TTLL1: variants seen among roughly 807,000 people sequenced by gnomAD.
TTLL1 encodes the protein TTL family tubulin polyglutamylase complex subunit L1.
Under a neutral mutation model 47.8 loss-of-function variants are expected in TTLL1, and 33 were observed. The observed-to-expected ratio is 0.69, with a 90% CI of 0.52 to 0.92. TTLL1 has a LOEUF of 0.92. Among genes scored for constraint, TTLL1 ranks in the 40% least tolerant of loss-of-function variants. The probability of loss-of-function intolerance (pLI) is 0.00; values close to 1 mark genes in which losing one functional copy is unlikely to be tolerated. For synonymous variants in TTLL1, 225 were observed against 214.1 expected (o/e 1.05, Z -0.45); for missense variants, 488 against 547.5 (o/e 0.89, Z 1.08).
intron 1 of TTLL1, among the ~76,000 whole-genome samples, chr22:43,088,322 A>ATTTTTTT (rs1929374802): frequency 2.3e-5 from 2 of 87,852 alleles, no homozygotes; most frequent in African/African-American, 9.9e-5. Context: ...AGAAGGGCCC[A>ATTTTTTT]TCTTTTTTTT....
At chr22:43,042,527 TG>T in intron 10 of TTLL1, among the ~76,000 whole-genome samples, 1 of 152,374 alleles carries the variant, frequency 6.6e-6, no homozygotes, top group East Asian at 1.9e-4. Flanking sequence ...AGGTGGCAGA[TG>T]CAAAGTGCCA....
rs771338307 is a variant in TTLL1 at position 43,039,859 on chromosome 22, T to G, written c.1189A>C (p.Arg397=). 4 of 1,613,926 alleles carry G rather than the reference T, an allele frequency of 2.5e-6. No individual in the cohort carries two copies. Among genetic ancestry groups the G allele is most frequent in the Non-Finnish European group, 2.5e-6 (3 of 1,180,010 alleles). ...CCCAGAGACTGACCCTGACGGCTTC[T>G]CAGCTCCCGGTCAGCCCCGTCACCC... The part of the protein sequence containing the change: ...AQGDGADREL[R]SRQGQSLGPR... Residue 397 remains arginine (R), a synonymous_variant, in exon 11 of 11, where the codon AGA becomes CGA. Transcript: ENST00000266254.
chr22:43,077,906 A>C (rs1359704584), intron 2 of TTLL1, among the ~76,000 whole-genome samples: 1 of 152,154 alleles, frequency 6.6e-6, no homozygotes, highest in Admixed American at 6.5e-5. Flanking sequence ...CAAGAGTTTG[A>C]GACCAGCCTG....
intron 5 of TTLL1, among the ~76,000 whole-genome samples, chr22:43,067,555 C>T (rs868054255): frequency 2.0e-5 from 3 of 152,198 alleles, no homozygotes; most frequent in African/African-American, 7.2e-5. Flanking sequence ...TCTTCATGGC[C>T]TGCCTTGGGC....
chr22:43,067,195 A>G (rs1484843976), intron 5 of TTLL1, among the ~76,000 whole-genome samples: 1 of 152,178 alleles, frequency 6.6e-6, no homozygotes, highest in Non-Finnish European at 1.5e-5. Flanking sequence ...CCACGAGGCC[A>G]CTGCCCCACC....
chr22:43,070,483 T>C (rs370798021), intron 3 of TTLL1, among the ~76,000 whole-genome samples: 224 of 152,170 alleles, frequency 1.5e-3, no homozygotes, highest in African/African-American at 4.9e-3. Context: ...TCACAAAACA[T>C]GGCAAGTGGC....
At chr22:43,075,451 C>T in intron 3 of TTLL1, 23 bp downstream of exon 3, 1 of 1,594,326 alleles carries the variant, frequency 6.3e-7, no homozygotes, top group Non-Finnish European at 8.6e-7. Flanking sequence ...GAGAAACAAC[C>T]CAGCCCTGCT....
chr22:43,064,374 G>A (rs762598249), intron 5 of TTLL1, 50 bp from the exon 6 acceptor site: 14 of 1,573,740 alleles, frequency 8.9e-6, no homozygotes, highest in South Asian at 2.3e-5. Flanking sequence ...ATGCAATAAC[G>A]AAGACACAAT....
At chr22:43,043,259 C>T (rs1022766025) in intron 10 of TTLL1, among the ~76,000 whole-genome samples, 1 of 151,926 alleles carries the variant, frequency 6.6e-6, no homozygotes, top group African/African-American at 2.4e-5. Flanking sequence ...GCTTCTTGGC[C>T]GGGAAATGGC....
chr22:43,057,721 A>T (rs1927113055), intron 8 of TTLL1, among the ~76,000 whole-genome samples: 1 of 151,516 alleles, frequency 6.6e-6, no homozygotes, highest in South Asian at 2.1e-4. Context: ...AAAGACCACG[A>T]AACTGACAGG....
chr22:43,086,173 T>G (rs1279989246), intron 1 of TTLL1, among the ~76,000 whole-genome samples: 2 of 152,222 alleles, frequency 1.3e-5, no homozygotes, highest in Non-Finnish European at 2.9e-5. Context: ...GAGTAACGTG[T>G]TATTATCTCT....
intron 8 of TTLL1, among the ~76,000 whole-genome samples, chr22:43,054,494 G>A (rs1041290721): frequency 9.3e-5 from 14 of 149,806 alleles, no homozygotes; most frequent in Non-Finnish European, 1.8e-4. Context: ...GCACGGTCTC[G>A]GCTGACTGCA....
intron 1 of TTLL1, among the ~76,000 whole-genome samples, chr22:43,084,512 C>CT (rs919503362): frequency 4.1e-5 from 6 of 147,726 alleles, no homozygotes; most frequent in African/African-American, 1.3e-4. Flanking sequence ...GGTTTCTTTT[C>CT]TTTTTTTGAG....
chr22:43,085,849 A>T (rs2146997659), intron 1 of TTLL1, among the ~76,000 whole-genome samples: 2 of 152,286 alleles, frequency 1.3e-5, no homozygotes, highest in East Asian at 3.9e-4. Context: ...TGTGCCTCCC[A>T]CATTAGATAG....
intron 1 of TTLL1, among the ~76,000 whole-genome samples, chr22:43,084,962 C>CT (rs148980685): frequency 0.028 from 3,176 of 112,414 alleles, 64 homozygotes; most frequent in Non-Finnish European, 0.033. Flanking sequence ...AAGCTGCCAC[C>CT]TTTTTTTTTT....
chr22:43,089,257 C>CCT lies in TTLL1; in HGVS notation c.-90+18_-90+19dup, dbSNP rs1929455784. The CCT allele has an allele frequency of 6.6e-6, 1 of 152,418 alleles. No individual in the cohort carries two copies. Among genetic ancestry groups the CCT allele is most frequent in the East Asian group, 1.9e-4 (1 of 5,196 alleles). 9.4% of individuals were successfully genotyped at this position (152,418 alleles called of 1,614,324 possible). A position where few individuals can be genotyped will look rare whatever the true frequency, so the allele number is the denominator to read the frequency against. ...ACCCTCGGTGCCCGGGAGGCGGCGGCCTGGGGGACAGGACCTCACCTGTGG... is the reference window on the plus strand; with the variant it reads ...ACCCTCGGTGCCCGGGAGGCGGCGGCCTCTGGGGGACAGGACCTCACCTGTGG... On this transcript the variant is annotated intron_variant, in intron 1 of 10. Coordinates refer to ENST00000266254, the MANE Select transcript of TTLL1 (RefSeq NM_012263.5).
At chr22:43,084,260 C>G (rs5759150) in intron 1 of TTLL1, among the ~76,000 whole-genome samples, 57,737 of 151,300 alleles carry the variant, frequency 0.38, 12,610 homozygotes, top group Non-Finnish European at 0.48. Flanking sequence ...AAGCGATTCT[C>G]CTGCCTCAGC....
intron 1 of TTLL1, among the ~76,000 whole-genome samples, chr22:43,083,132 C>A (rs1031134504): frequency 1.3e-5 from 2 of 151,886 alleles, no homozygotes; most frequent in African/African-American, 4.8e-5. Flanking sequence ...TCTGGGAGGC[C>A]GAGGCAGGCA....
intron 8 of TTLL1, among the ~76,000 whole-genome samples, chr22:43,054,332 G>A (rs1192048317): frequency 6.6e-6 from 1 of 152,104 alleles, no homozygotes; most frequent in African/African-American, 2.4e-5. Flanking sequence ...GACACAAAAC[G>A]AACCCACACA....
Sources: allele counts gnomAD v4.1 joint callset (sites outside exome capture counted in the v4.1 genomes callset), GRCh38; gene constraint gnomAD v4.1.1; transcripts MANE v1.5; gene names NCBI Gene and HGNC (gene_info 2026-07-23, HGNC 2026-07-21).